The following HDAC4 variants were observed in gnomAD, a reference collection of about 807,000 sequenced individuals.
HDAC4 encodes the protein histone deacetylase 4.
HDAC4 carries 16 observed loss-of-function variants against 135.1 expected under a neutral mutation model. That is an observed-to-expected ratio of 0.12 (90% CI 0.08 to 0.18). The LOEUF is 0.18. Ranked by LOEUF, HDAC4 falls within the 10% of genes least tolerant of loss-of-function variation. HDAC4 has a pLI of 1.00. For missense variants in HDAC4, 1,143 were observed against 1,511.8 expected (o/e 0.76, Z 4.05); for synonymous variants, 685 against 653.4 (o/e 1.05, Z -0.74).
intron 3 of HDAC4, among the ~76,000 whole-genome samples, chr2:239,191,951 G>A (rs1208694990): frequency 1.3e-5 from 2 of 152,190 alleles, no homozygotes; most frequent in East Asian, 1.9e-4. Flanking sequence ...CGTTGTTATT[G>A]TTGTTTTTTA....
At chr2:239,090,146 A>C (rs778229424) in intron 17 of HDAC4, 30 bp from the exon 18 acceptor site, 1 of 1,514,118 alleles carries the variant, frequency 6.6e-7, no homozygotes, top group Non-Finnish European at 9.2e-7. Context: ...CAGTGAGGTC[A>C]CCCTCCCAGG....
At chr2:239,197,776 T>C (rs1220641507) in intron 3 of HDAC4, among the ~76,000 whole-genome samples, 1 of 152,038 alleles carries the variant, frequency 6.6e-6, no homozygotes, top group African/African-American at 2.4e-5. Context: ...TAAAATGTCA[T>C]CCTGTTCATA....
At chr2:239,074,505 A>G (rs1559375453) in intron 22 of HDAC4, among the ~76,000 whole-genome samples, 1 of 152,266 alleles carries the variant, frequency 6.6e-6, no homozygotes, top group Non-Finnish European at 1.5e-5. Flanking sequence ...GCCAGTCAAA[A>G]CAAAATGGGA....
At chr2:239,288,155 T>A (rs75512196) in intron 2 of HDAC4, among the ~76,000 whole-genome samples, 1 of 151,590 alleles carries the variant, frequency 6.6e-6, no homozygotes, top group African/African-American at 2.4e-5. Context: ...TAGCAAAGTA[T>A]GAAAATGACA....
At chr2:239,223,608 G>A (rs1177322509) in intron 3 of HDAC4, among the ~76,000 whole-genome samples, 2 of 152,106 alleles carry the variant, frequency 1.3e-5, no homozygotes, top group African/African-American at 2.4e-5. Flanking sequence ...CACACGGTAC[G>A]TAGCTGAGTG....
chr2:239,175,148 G>C (rs536046631), intron 5 of HDAC4, among the ~76,000 whole-genome samples: 1 of 152,270 alleles, frequency 6.6e-6, no homozygotes, highest in African/African-American at 2.4e-5. Flanking sequence ...TGTAAGTCCT[G>C]GGCAGAAACT....
At chr2:239,187,801 G>C (rs972149927) in intron 4 of HDAC4, among the ~76,000 whole-genome samples, 1 of 152,226 alleles carries the variant, frequency 6.6e-6, no homozygotes, top group African/African-American at 2.4e-5. Context: ...AGTGGACAGG[G>C]TGCCAGTGGA....
At chr2:239,361,055 C>G (rs1212560762) in intron 1 of HDAC4, among the ~76,000 whole-genome samples, 4 of 152,216 alleles carry the variant, frequency 2.6e-5, no homozygotes, top group Non-Finnish European at 5.9e-5. Context: ...TGTCACCCTA[C>G]TTTCTTGCCC....
rs2039990489 is a variant in HDAC4, at chr2:239,124,637, C to CGTT, written c.1533+1818_1533+1819insAAC. 2.7e-4 allele frequency among the ~76,000 whole-genome samples: 11 copies of CGTT among 40,652 alleles called. 1 individual carries two copies. The highest frequency in any genetic ancestry group is 1.1e-3 in the African/African-American group (10 of 9,214). The allele number at this position is 40,652 out of a possible 152,430, so 26.7% of individuals were successfully genotyped here. On this transcript the variant is annotated intron_variant, in intron 12 of 26. Coordinates refer to ENST00000543185, the MANE Select transcript of HDAC4 (RefSeq NM_001378414.1). ...ATTCCGGCGTGCCGGCATGTGGCCG[C>CGTT]ACATCATTCCACGTTATATGACATT...
In HDAC4 at chr2:239,126,446, G is replaced by A; in HGVS notation, c.1533+10C>T. The A allele has an allele frequency of 1.9e-6, 3 of 1,613,428 alleles. No individual in the cohort carries two copies. The highest frequency in any genetic ancestry group is 2.5e-6 in the Non-Finnish European group (3 of 1,179,986). ...CCTGGGGCCTGGGAGCGCTGAGCCG[G>A]CAAACCCACCTTGTTCATCTGCAGT... On this transcript the variant is annotated intron_variant, in intron 12 of 26. Coordinates refer to ENST00000543185, the MANE Select transcript of HDAC4 (RefSeq NM_001378414.1).
intron 2 of HDAC4, among the ~76,000 whole-genome samples, chr2:239,319,678 A>G (rs1271128523): frequency 6.6e-6 from 1 of 152,260 alleles, no homozygotes; most frequent in African/African-American, 2.4e-5. Flanking sequence ...ACATCTGAAC[A>G]TGAATCAAAG....
intron 1 of HDAC4, among the ~76,000 whole-genome samples, chr2:239,368,781 G>C (rs1359522026): frequency 1.3e-5 from 2 of 152,148 alleles, no homozygotes; most frequent in African/African-American, 4.8e-5. Context: ...ACCCTCCTAA[G>C]TGTTGCGTTC....
chr2:239,120,708 G>T (rs894537136), intron 12 of HDAC4, among the ~76,000 whole-genome samples: 1 of 151,978 alleles, frequency 6.6e-6, no homozygotes, highest in East Asian at 1.9e-4. Context: ...GACCGAAGTG[G>T]TGTGCCTGCC....
At chr2:239,239,089 G>A (rs1201105964) in intron 2 of HDAC4, among the ~76,000 whole-genome samples, 4 of 152,104 alleles carry the variant, frequency 2.6e-5, no homozygotes, top group Middle Eastern at 3.2e-3. Context: ...GGCACCAACT[G>A]GGCGTCCAAT....
At chr2:239,191,063 A>G in intron 3 of HDAC4, 1 of 454,974 alleles carries the variant, frequency 2.2e-6, no homozygotes, top group Non-Finnish European at 4.5e-6. Context: ...AACTTCACTG[A>G]GAGTCCAAGT....
intron 22 of HDAC4, among the ~76,000 whole-genome samples, chr2:239,079,083 C>A (rs2035043619): frequency 6.6e-6 from 1 of 152,186 alleles, no homozygotes; most frequent in Non-Finnish European, 1.5e-5. Context: ...CCAAGGGGGG[C>A]CAGTTCTCTG....
At chr2:239,274,764 C>A (rs769040542) in intron 2 of HDAC4, among the ~76,000 whole-genome samples, 2 of 152,138 alleles carry the variant, frequency 1.3e-5, no homozygotes, top group African/African-American at 4.8e-5. Flanking sequence ...CCCAAAGCTG[C>A]TCCAGAAAAG....
intron 3 of HDAC4, among the ~76,000 whole-genome samples, chr2:239,210,124 C>T (rs184955875): frequency 2.6e-5 from 4 of 152,094 alleles, no homozygotes; most frequent in East Asian, 1.9e-4. Flanking sequence ...AATTCCTGCA[C>T]GTCTACACAA....
intron 2 of HDAC4, among the ~76,000 whole-genome samples, chr2:239,335,899 T>G (rs1223140096): frequency 6.6e-6 from 1 of 152,228 alleles, no homozygotes; most frequent in Non-Finnish European, 1.5e-5. Context: ...TCAAAAGAAT[T>G]GCATACTTAT....
Sources: allele counts gnomAD v4.1 joint callset (sites outside exome capture counted in the v4.1 genomes callset), GRCh38; gene constraint gnomAD v4.1.1; transcripts MANE v1.5; gene names NCBI Gene and HGNC (gene_info 2026-07-23, HGNC 2026-07-21).